The following VDAC3 variants were observed in gnomAD, a reference collection of about 807,000 sequenced individuals.
The protein encoded by VDAC3 is voltage dependent anion channel 3.
A neutral mutation model predicts 33.9 loss-of-function variants in VDAC3; 7 were observed. The ratio of observed to expected loss-of-function variants is 0.21; its 90% CI spans 0.12 to 0.39. The LOEUF (loss-of-function observed/expected upper bound fraction) is 0.39, where lower values mean the gene tolerates loss of function less well. VDAC3 is among the 10% of genes least tolerant of loss of function. The pLI, the probability that VDAC3 is intolerant of heterozygous loss-of-function variation, is 1.00. For synonymous variants in VDAC3, 100 were observed against 122.4 expected, an observed-to-expected ratio of 0.82 and a Z score of 1.21; for missense variants, 261 against 334.5, an observed-to-expected ratio of 0.78 and a Z score of 1.71.
intron 4 of VDAC3, chr8:42,397,180 A>C (rs998177931): frequency 1.3e-5 from 2 of 153,304 alleles, no homozygotes; most frequent in Admixed American, 6.5e-5. Context: ...AATGTAAAAA[A>C]TAAAACACTA....
At chr8:42,393,583 G>T (rs958488865) in intron 1 of VDAC3, among the ~76,000 whole-genome samples, 14 of 152,294 alleles carry the variant, frequency 9.2e-5, no homozygotes, top group African/African-American at 3.1e-4. Context: ...GTTTTTGAAG[G>T]CTTTAACTTC....
intron 4 of VDAC3, chr8:42,397,576 TC>T (rs545973353): frequency 1.2e-4 from 19 of 152,322 alleles, no homozygotes; most frequent in African/African-American, 4.3e-4. Flanking sequence ...CTGTCTGCTT[TC>T]CCCAGAAGGA....
intron 7 of VDAC3, chr8:42,403,084 G>A (rs1438991613): frequency 3.8e-6 from 2 of 527,878 alleles, no homozygotes; most frequent in Non-Finnish European, 6.7e-6. Flanking sequence ...TCATGTGGAG[G>A]AGCCAAGTAA....
intron 7 of VDAC3, 57 bp downstream of exon 7, chr8:42,402,072 C>A: frequency 6.6e-7 from 1 of 1,521,696 alleles, no homozygotes; most frequent in Non-Finnish European, 9.0e-7. Flanking sequence ...ATATTGTAGC[C>A]ATTAGCATGC....
chr8:42,400,531 T>C (rs1338525904), intron 6 of VDAC3, among the ~76,000 whole-genome samples: 2 of 152,060 alleles, frequency 1.3e-5, no homozygotes, highest in Non-Finnish European at 2.9e-5. Flanking sequence ...TTGTGTCATT[T>C]CCTATCTGCC....
At chr8:42,395,158 G>A in intron 4 of VDAC3, 25 bp downstream of exon 4, 4 of 1,613,172 alleles carry the variant, frequency 2.5e-6, no homozygotes, top group Non-Finnish European at 3.4e-6. Context: ...TATTTTTAAT[G>A]AATGTAACAT....
chr8:42,398,138 T>G (rs1328018346), intron 4 of VDAC3, among the ~76,000 whole-genome samples: 1 of 152,248 alleles, frequency 6.6e-6, no homozygotes, highest in African/African-American at 2.4e-5. Context: ...TTGGTCTTTT[T>G]AGTAAAGGCA....
intron 7 of VDAC3, 80 bp downstream of exon 7, chr8:42,402,095 G>C: frequency 1.4e-6 from 2 of 1,400,804 alleles, no homozygotes; most frequent in Non-Finnish European, 9.9e-7. Flanking sequence ...AGAAGTGATG[G>C]TACTCAGATT....
chr8:42,403,554 ATTAAT>A, intron 8 of VDAC3, 93 bp downstream of exon 8: 1 of 1,293,308 alleles, frequency 7.7e-7, no homozygotes, highest in Non-Finnish European at 1.1e-6. Context: ...CTTGTTCTTT[ATTAAT>A]TTTAATAAGC....
intron 8 of VDAC3, 144 bp from the exon 9 acceptor site, chr8:42,404,721 TCA>T (rs1802469803): frequency 2.0e-6 from 1 of 497,850 alleles, no homozygotes; most frequent in East Asian, 3.5e-5. Context: ...AAACTTCATC[TCA>T]AAAAAAAAAA....
chr8:42,404,955 G>A (rs1585954783), intron 9 of VDAC3, 31 bp downstream of exon 9: 2 of 1,595,274 alleles, frequency 1.3e-6, no homozygotes, highest in East Asian at 4.5e-5. Flanking sequence ...CAGAGGGGTT[G>A]AGGTGGAAGG....
intron 8 of VDAC3, 141 bp from the exon 9 acceptor site, chr8:42,404,722 CAAAA>C (rs878902511): frequency 1.8e-3 from 641 of 353,344 alleles, no homozygotes; most frequent in South Asian, 5.1e-3. Flanking sequence ...AACTTCATCT[CAAAA>C]AAAAAAAAAA....
intron 7 of VDAC3, 88 bp from the exon 8 acceptor site, chr8:42,403,223 G>T: frequency 6.7e-7 from 1 of 1,496,930 alleles, no homozygotes; most frequent in Non-Finnish European, 9.1e-7. Flanking sequence ...TGGGATCCTT[G>T]TTTAGATAGT....
Position 42,396,917 on chromosome 8 carries a change from A to G in VDAC3, c.117+1784A>G, listed in dbSNP as rs892593577. 4.0e-5 allele frequency: 18 copies of G among 446,860 alleles called. No individual in the cohort carries two copies. In the Admixed American group the frequency reaches 7.3e-4, roughly 18 times the overall value. The allele number at this position is 446,860 out of a possible 1,614,324, so 27.7% of individuals were successfully genotyped here. ...TATAAATGTGTTTTGCACTTGTTTG[A>G]CCAAATTATGAAATTAGACACAAAC... is the stretch of plus-strand genomic sequence containing the variant. On this transcript the variant is annotated intron_variant, in intron 4 of 9. Coordinates refer to ENST00000022615, the MANE Select transcript of VDAC3 (RefSeq NM_005662.7).
In VDAC3 at chr8:42,401,875, C is replaced by T. The variant is rs910810991; in HGVS notation, c.411C>T (p.Thr137=). The T allele has an allele frequency of 7.4e-6, 12 of 1,614,046 alleles. No individual in the cohort carries two copies. In the African/African-American group the frequency reaches 1.3e-4, roughly 18 times the overall value. The part of the protein sequence containing the change: ...SNVDIDFSGP[T]IYGWAVLAFE... ...TTGATATAGATTTTTCTGGACCAACCATCTATGGCTGGGCTGTGTTGGCCT... is the reference window on the plus strand; with the variant it reads ...TTGATATAGATTTTTCTGGACCAACTATCTATGGCTGGGCTGTGTTGGCCT... Residue 137 remains threonine (T), a synonymous_variant, in exon 7 of 10, where the codon ACC becomes ACT. Coordinates refer to ENST00000022615, the MANE Select transcript of VDAC3 (RefSeq NM_005662.7).
At chr8:42,393,720 T>G (rs1221006371) in intron 1 of VDAC3, 125 bp from the exon 2 acceptor site, 1 of 394,782 alleles carries the variant, frequency 2.5e-6, no homozygotes, top group African/African-American at 2.1e-5. Context: ...ATGAATACAC[T>G]TCAATTCGTA....
At chr8:42,405,270 C>G in intron 9 of VDAC3, 101 bp from the exon 10 acceptor site, 1 of 928,284 alleles carries the variant, frequency 1.1e-6, no homozygotes, top group Non-Finnish European at 1.7e-6. Flanking sequence ...CTCGTATACC[C>G]AGCTACAATC....
In VDAC3 at chr8:42,395,080, A is replaced by G. The variant is rs1466362031; in HGVS notation, c.68-4A>G. 4 of 1,613,618 alleles carry G rather than the reference A, an allele frequency of 2.5e-6. No individual in the cohort carries two copies. The highest frequency in any genetic ancestry group is 3.3e-5 in the Admixed American group (2 of 59,986). On this transcript the variant is annotated splice_region_variant and splice_polypyrimidine_tract_variant and intron_variant, in intron 3 of 9. Transcript: ENST00000022615. ...ACTGTGTTTTTGTGTGTGTGTGTGT[A>G]TAGGCTTTGGCATGGTCAAGATAGA...
At chr8:42,398,581 G>A (rs1223673875) in intron 4 of VDAC3, 131 bp from the exon 5 acceptor site, 2 of 922,312 alleles carry the variant, frequency 2.2e-6, no homozygotes, top group African/African-American at 1.7e-5. Flanking sequence ...GAGGAAAGAA[G>A]TTGCTCTAGA....
Sources: gnomAD v4.1 joint callset for allele counts (sites outside exome capture counted in the v4.1 genomes callset) on GRCh38, gnomAD v4.1.1 for gene constraint, MANE v1.5 for transcripts, NCBI Gene and HGNC (gene_info 2026-07-23, HGNC 2026-07-21) for gene names.